Variants in PTPRD observed in about 807,000 individuals in gnomAD.
PTPRD encodes the protein receptor-type tyrosine-protein phosphatase delta.
A neutral mutation model predicts 214.5 loss-of-function variants in PTPRD; 34 were observed. The observed-to-expected ratio is 0.16, with a 90% CI of 0.12 to 0.21. The LOEUF is 0.21. Ranked by LOEUF, PTPRD falls within the 10% of genes least tolerant of loss-of-function variation. PTPRD has a pLI of 1.00. For synonymous variants in PTPRD, 1,128 were observed against 845.7 expected (o/e 1.33, Z -5.79); for missense variants, 2,545 against 2,398.7 (o/e 1.06, Z -1.27).
intron 3 of PTPRD, among the ~76,000 whole-genome samples, chr9:10,043,610 T>G (rs2097335256): frequency 6.6e-6 from 1 of 151,854 alleles, no homozygotes; most frequent in Admixed American, 6.6e-5. Context: ...GTTTTATAGT[T>G]TAGGTCCACA....
intron 4 of PTPRD, among the ~76,000 whole-genome samples, chr9:9,961,913 TG>T (rs1480931155): frequency 6.6e-6 from 1 of 152,142 alleles, no homozygotes; most frequent in Admixed American, 6.6e-5. Context: ...AGGTTTAAGA[TG>T]ATGAATATGC....
chr9:9,339,547 C>G (rs560533235), intron 9 of PTPRD, among the ~76,000 whole-genome samples: 5 of 152,198 alleles, frequency 3.3e-5, no homozygotes, highest in Admixed American at 1.3e-4. Flanking sequence ...CTATAACCTG[C>G]AATAAGTGCC....
chr9:8,951,844 C>G (rs1156862611), intron 11 of PTPRD, among the ~76,000 whole-genome samples: 1 of 152,004 alleles, frequency 6.6e-6, no homozygotes, highest in Non-Finnish European at 1.5e-5. Flanking sequence ...TCTCCATTCA[C>G]ACAGCAGTGA....
At chr9:10,103,923 T>C (rs1260755467) in intron 3 of PTPRD, among the ~76,000 whole-genome samples, 1 of 151,672 alleles carries the variant, frequency 6.6e-6, no homozygotes, top group South Asian at 2.1e-4. Context: ...TATCGATGGA[T>C]GAATGGATAA....
intron 11 of PTPRD, among the ~76,000 whole-genome samples, chr9:8,853,489 C>G (rs931122818): frequency 6.6e-6 from 1 of 152,132 alleles, no homozygotes; most frequent in Non-Finnish European, 1.5e-5. Flanking sequence ...TAATAAGTGT[C>G]ACCAGCTACC....
In PTPRD at chr9:9,248,997, A is replaced by C. The variant is rs73641272; in HGVS notation, c.-202-65634T>G. On this transcript the variant is annotated intron_variant, in intron 9 of 45. Transcript: ENST00000381196. Reference sequence around the variant, plus strand: ...ACGGGAGTCATAAAGCAAGTGATATAGTTTGGATATTTGTCCCCTCCAAAT... The same window carrying C: ...ACGGGAGTCATAAAGCAAGTGATATCGTTTGGATATTTGTCCCCTCCAAAT... Among the ~76,000 whole-genome samples, 453 of 152,154 alleles carry C rather than the reference A, an allele frequency of 3.0e-3. 3 individuals carry two copies. The highest frequency in any genetic ancestry group is 0.01 in the African/African-American group (425 of 41,560).
intron 30 of PTPRD, among the ~76,000 whole-genome samples, chr9:8,477,524 T>G (rs1205897897): frequency 1.3e-5 from 2 of 152,214 alleles, no homozygotes; most frequent in African/African-American, 4.8e-5. Context: ...CTTTTTGTGT[T>G]AGTGTGTATT....
chr9:9,163,588 C>A (rs2099894999), intron 10 of PTPRD, among the ~76,000 whole-genome samples: 1 of 151,596 alleles, frequency 6.6e-6, no homozygotes, highest in Non-Finnish European at 1.5e-5. Context: ...CCGTCAAAAT[C>A]TCTCTCCTGT....
intron 35 of PTPRD, among the ~76,000 whole-genome samples, chr9:8,432,445 T>G (rs10977092): frequency 0.28 from 41,943 of 152,144 alleles, 6,461 homozygotes; most frequent in Non-Finnish European, 0.36. Flanking sequence ...TACTTCCTCG[T>G]ATTCTGACCT....
At chr9:9,984,537 G>T (rs1038637121) in intron 4 of PTPRD, among the ~76,000 whole-genome samples, 2 of 152,164 alleles carry the variant, frequency 1.3e-5, no homozygotes, top group South Asian at 4.1e-4. Context: ...AGCCACAACT[G>T]GTAGGTGGGT....
At chr9:10,237,560 T>C (rs555591827) in intron 3 of PTPRD, among the ~76,000 whole-genome samples, 2 of 152,070 alleles carry the variant, frequency 1.3e-5, no homozygotes, top group East Asian at 3.9e-4. Flanking sequence ...GATTTCTCAC[T>C]ACTCAAAAGA....
chr9:8,544,903 T>A (rs956787729), intron 14 of PTPRD, among the ~76,000 whole-genome samples: 2 of 150,914 alleles, frequency 1.3e-5, no homozygotes, highest in African/African-American at 4.9e-5. Flanking sequence ...TTTTTTTTTT[T>A]TTTTTTTTAA....
intron 34 of PTPRD, among the ~76,000 whole-genome samples, chr9:8,449,199 C>T (rs868262614): frequency 5.3e-5 from 8 of 152,144 alleles, no homozygotes; most frequent in Admixed American, 1.3e-4. Context: ...CTGAAGTGAT[C>T]AGTGAAATTT....
intron 3 of PTPRD, among the ~76,000 whole-genome samples, chr9:10,112,009 TTGAC>T (rs2098695555): frequency 6.6e-6 from 1 of 152,202 alleles, no homozygotes; most frequent in Non-Finnish European, 1.5e-5. Context: ...GTAGGCCTGA[TTGAC>T]TGATTGACTA....
chr9:9,276,325 A>T (rs1365609097), intron 9 of PTPRD, among the ~76,000 whole-genome samples: 1 of 151,524 alleles, frequency 6.6e-6, no homozygotes, highest in South Asian at 2.1e-4. Flanking sequence ...ATTGCTCTTT[A>T]TTACAAATTT....
intron 8 of PTPRD, among the ~76,000 whole-genome samples, chr9:9,541,640 A>G (rs535914503): frequency 6.6e-6 from 1 of 151,984 alleles, no homozygotes; most frequent in East Asian, 1.9e-4. Flanking sequence ...AGGCTTAGCT[A>G]TAGAACAAGC....
chr9:9,088,035 C>G (rs1432558516), intron 10 of PTPRD, among the ~76,000 whole-genome samples: 1 of 151,454 alleles, frequency 6.6e-6, no homozygotes, highest in African/African-American at 2.4e-5. Context: ...GCGTGCACCA[C>G]CATGCCTGGC....
intron 3 of PTPRD, among the ~76,000 whole-genome samples, chr9:10,053,347 A>G (rs943720922): frequency 3.3e-5 from 5 of 152,190 alleles, no homozygotes; most frequent in African/African-American, 7.2e-5. Context: ...TAGTATTCCA[A>G]GATGAGGTAG....
intron 2 of PTPRD, among the ~76,000 whole-genome samples, chr9:10,363,165 T>G (rs963274527): frequency 4.6e-5 from 7 of 152,176 alleles, no homozygotes; most frequent in African/African-American, 1.7e-4. Context: ...TACAACAAAT[T>G]GTGAATCTTG....
Sources: allele counts gnomAD v4.1 joint callset (sites outside exome capture counted in the v4.1 genomes callset), GRCh38; gene constraint gnomAD v4.1.1; transcripts MANE v1.5; gene names NCBI Gene and HGNC (gene_info 2026-07-23, HGNC 2026-07-21).